Variants in TENM1 observed in about 807,000 individuals in gnomAD.
The protein encoded by TENM1 is teneurin-1.
Under a neutral mutation model 174.8 loss-of-function variants are expected in TENM1, and 35 were observed. The ratio of observed to expected loss-of-function variants is 0.20; its 90% CI spans 0.15 to 0.27. The LOEUF is 0.27. Ranked by LOEUF, TENM1 falls within the 10% of genes least tolerant of loss-of-function variation. The pLI, the probability that TENM1 is intolerant of heterozygous loss-of-function variation, is 1.00. For synonymous variants in TENM1, 781 were observed against 798.7 expected, an observed-to-expected ratio of 0.98 and a Z score of 0.37; for missense variants, 1,633 against 2,130.1, an observed-to-expected ratio of 0.77 and a Z score of 4.59.
intron 20 of TENM1, among the ~76,000 whole-genome samples, chrX:124,495,768 C>T (rs1314918067): frequency 3.1e-4 from 31 of 101,447 alleles, no homozygotes; most frequent in African/African-American, 1.1e-3. Context: ...TAGGAAGAAT[C>T]AATATCGTGA....
At chrX:124,931,498 G>T (rs1490331761) in intron 1 of TENM1, among the ~76,000 whole-genome samples, 2 of 111,026 alleles carry the variant, frequency 1.8e-5, no homozygotes, top group Non-Finnish European at 3.8e-5. Flanking sequence ...GGAACCATGA[G>T]GCTGAAACAG....
intron 3 of TENM1, among the ~76,000 whole-genome samples, chrX:124,773,423 CAAA>C (rs754228033): frequency 1.6e-5 from 1 of 62,773 alleles, no homozygotes. Context: ...TTTTAGCCTA[CAAA>C]AAAAAAAAAA....
the TENM1 span, among the ~76,000 whole-genome samples, chrX:125,063,599 A>G: frequency 0.013 from 1,408 of 112,143 alleles, 27 homozygotes; most frequent in African/African-American, 0.043. Context: ...ATGCAAACCA[A>G]AACCACAATG....
At chrX:125,169,702 A>C in the TENM1 span, among the ~76,000 whole-genome samples, 2 of 111,332 alleles carry the variant, frequency 1.8e-5, no homozygotes, top group Non-Finnish European at 3.8e-5. Context: ...AAACTCAGAA[A>C]CATATAAGAG....
chrX:124,621,990 C>T (rs936883666), intron 11 of TENM1, among the ~76,000 whole-genome samples: 2 of 111,963 alleles, frequency 1.8e-5, no homozygotes, highest in African/African-American at 3.2e-5. Context: ...TAAAACATAC[C>T]TCTTATTTAA....
At chrX:125,172,062 C>T in the TENM1 span, among the ~76,000 whole-genome samples, 1 of 111,362 alleles carries the variant, frequency 9.0e-6, no homozygotes, top group Admixed American at 9.6e-5. Flanking sequence ...ACTTAGAGAG[C>T]TAGATAAAGA....
At chrX:124,794,185 A>G (rs904845453) in intron 3 of TENM1, among the ~76,000 whole-genome samples, 16 of 111,136 alleles carry the variant, frequency 1.4e-4, no homozygotes, top group South Asian at 3.9e-4. Flanking sequence ...GCATTCGGGA[A>G]CTAAAAAGAA....
chrX:124,639,459 G>A (rs771816637), intron 11 of TENM1, among the ~76,000 whole-genome samples: 2 of 112,075 alleles, frequency 1.8e-5, no homozygotes, highest in South Asian at 7.5e-4. Context: ...TTTGTGCTCT[G>A]TGACACAGGG....
At chrX:124,477,989 A>G (rs2046769800) in intron 22 of TENM1, among the ~76,000 whole-genome samples, 1 of 108,409 alleles carries the variant, frequency 9.2e-6, no homozygotes, top group Non-Finnish European at 1.9e-5. Flanking sequence ...TACATCATGC[A>G]TTGTTGTGAA....
At chrX:124,598,207 C>T (rs1390724678) in intron 11 of TENM1, among the ~76,000 whole-genome samples, 36 of 237 alleles carry the variant, frequency 0.15, no homozygotes, top group African/African-American at 0.34. Flanking sequence ...GTTAAAATGG[C>T]ATACATCCAA....
At chrX:125,094,954 G>A in the TENM1 span, among the ~76,000 whole-genome samples, 22 of 112,134 alleles carry the variant, frequency 2.0e-4, no homozygotes, top group South Asian at 5.2e-3. Flanking sequence ...TGTGTGTAAG[G>A]CAATGTGATA....
At chrX:124,890,080 C>T (rs185851367) in intron 3 of TENM1, among the ~76,000 whole-genome samples, 129 of 111,916 alleles carry the variant, frequency 1.2e-3, no homozygotes, top group Non-Finnish European at 1.9e-3. Context: ...ATCATCAAGG[C>T]TATAACTATA....
At chrX:124,870,796 G>A (rs1426032749) in intron 3 of TENM1, among the ~76,000 whole-genome samples, 1 of 111,183 alleles carries the variant, frequency 9.0e-6, no homozygotes, top group African/African-American at 3.3e-5. Flanking sequence ...TGAGTGAAAT[G>A]AGAAGCCATT....
intron 22 of TENM1, among the ~76,000 whole-genome samples, chrX:124,474,487 C>A (rs2061366838): frequency 8.9e-6 from 1 of 111,909 alleles, no homozygotes; most frequent in Admixed American, 9.5e-5. Flanking sequence ...CTGATGCATA[C>A]ATGAAAATTA....
chrX:124,883,463 A>G, intron 3 of TENM1, among the ~76,000 whole-genome samples: 1 of 112,263 alleles, frequency 8.9e-6, no homozygotes, highest in Admixed American at 9.4e-5. Context: ...TGGCAGGCCA[A>G]GTGTGCCTGT....
chrX:124,590,451 C>G (rs1046004233), intron 11 of TENM1, among the ~76,000 whole-genome samples: 1 of 109,815 alleles, frequency 9.1e-6, no homozygotes, highest in African/African-American at 3.3e-5. Context: ...TCAAGGAGAA[C>G]GACAAACCAC....
At chrX:125,121,539 T>C in the TENM1 span, among the ~76,000 whole-genome samples, 1 of 112,212 alleles carries the variant, frequency 8.9e-6, no homozygotes, top group African/African-American at 3.2e-5. Flanking sequence ...TACTTATTTG[T>C]GTAGGCTTCT....
At chrX:124,426,037 T>C (rs1459982468) in intron 23 of TENM1, among the ~76,000 whole-genome samples, 2 of 99,320 alleles carry the variant, frequency 2.0e-5, no homozygotes, top group African/African-American at 8.5e-5. Flanking sequence ...TGTGTGTGTG[T>C]GTGTGTGTTT....
At chrX:124,525,634 C>T (rs1381539233) in intron 16 of TENM1, among the ~76,000 whole-genome samples, 2 of 112,168 alleles carry the variant, frequency 1.8e-5, no homozygotes, top group Admixed American at 9.5e-5. Context: ...TTATTCTGTA[C>T]TTCTGGAAAG....
Sources: allele counts gnomAD v4.1 joint callset (sites outside exome capture counted in the v4.1 genomes callset), GRCh38; gene constraint gnomAD v4.1.1; transcripts MANE v1.5; gene names NCBI Gene and HGNC (gene_info 2026-07-23, HGNC 2026-07-21).